Variants in TLCD1 observed in about 807,000 individuals in gnomAD.
TLCD1 encodes TLC domain containing 1.
Under a neutral mutation model 21.2 loss-of-function variants are expected in TLCD1, and 21 were observed. The observed-to-expected ratio is 0.99, with a 90% CI of 0.70 to 1.42. The LOEUF (loss-of-function observed/expected upper bound fraction) is 1.42, where lower values mean the gene tolerates loss of function less well. TLCD1 is among the 40% of genes most tolerant of loss of function. The pLI is 0.00. For missense variants in TLCD1, 344 were observed against 330.3 expected, an observed-to-expected ratio of 1.04 and a Z score of -0.32; for synonymous variants, 168 against 134.8, an observed-to-expected ratio of 1.25 and a Z score of -1.71.
chr17:28,726,331 T>A, upstream of TLCD1: 3 of 711,692 alleles, frequency 4.2e-6, no homozygotes, highest in Non-Finnish European at 4.8e-6. Context: ...CCCGTCCGCC[T>A]GCCCCCGCCC....
At chr17:28,726,271 T>C, upstream of TLCD1, 2 of 1,205,832 alleles carry the variant, frequency 1.7e-6, no homozygotes, top group East Asian at 3.3e-5. Flanking sequence ...GCGAGGCCTC[T>C]GCCCCCGCCC....
intron 2 of TLCD1, 21 bp downstream of exon 2, chr17:28,725,460 C>G (rs142978651): frequency 6.2e-7 from 1 of 1,614,174 alleles, no homozygotes; most frequent in Non-Finnish European, 8.5e-7. Flanking sequence ...ATTTGCCTCC[C>G]GCTTCCTGGG....
chr17:28,725,255 CTAGAT>C (rs1476826987), intron 3 of TLCD1, 44 bp downstream of exon 3: 1 of 1,594,116 alleles, frequency 6.3e-7, no homozygotes, highest in African/African-American at 1.3e-5. Flanking sequence ...GGAGCTGAGA[CTAGAT>C]TACTGACACC....
chr17:28,726,273 C>A (rs962324512), upstream of TLCD1: 5 of 1,205,212 alleles, frequency 4.1e-6, no homozygotes, highest in Admixed American at 1.8e-4. Context: ...GAGGCCTCTG[C>A]CCCCGCCCCC....
chr17:28,726,069 G>C lies in TLCD1; in HGVS notation c.29C>G (p.Pro10Arg). Residue 10 changes from proline to arginine, a missense_variant, in exon 1 of 4, where the codon CCG (proline) becomes CGG (arginine). By Grantham distance (103) the Pro-to-Arg change is moderately radical. Coordinates refer to ENST00000292090, the MANE Select transcript of TLCD1 (RefSeq NM_138463.4). ...GGTCAGCGTGGCGCCCAGGAGCAGC[G>C]GCAGGGCGGGGTGCAGCAGTCGGGG... is the stretch of plus-strand genomic sequence containing the variant. The part of the protein sequence containing the change: MPRLLHPAL[P>R]LLLGATLTFR... 1 of 1,509,590 alleles carries C rather than the reference G, an allele frequency of 6.6e-7. No individual in the cohort carries two copies. The highest frequency in any genetic ancestry group is 8.8e-7 in the Non-Finnish European group (1 of 1,135,946). The allele number at this position is 1,509,590 out of a possible 1,614,324, so 93.5% of individuals were successfully genotyped here. A position where few individuals can be genotyped will look rare whatever the true frequency, so the allele number is the denominator to read the frequency against.
chr17:28,726,067 G>A lies in TLCD1; in HGVS notation c.31C>T (p.Leu11=). Reference sequence around the variant, plus strand: ...AAGGTCAGCGTGGCGCCCAGGAGCAGCGGCAGGGCGGGGTGCAGCAGTCGG... The same window carrying A: ...AAGGTCAGCGTGGCGCCCAGGAGCAACGGCAGGGCGGGGTGCAGCAGTCGG... MPRLLHPALP[L]LLGATLTFRA... The change falls in exon 1 of 4, where the codon CTG becomes TTG. Residue 11 remains leucine, a synonymous_variant. Coordinates refer to ENST00000292090, the MANE Select transcript of TLCD1 (RefSeq NM_138463.4). The A allele has an allele frequency of 6.6e-7, 1 of 1,513,618 alleles. No homozygotes were observed. Among genetic ancestry groups the A allele is most frequent in the East Asian group, 2.5e-5 (1 of 40,212 alleles). 93.8% of individuals were successfully genotyped at this position (1,513,618 alleles called of 1,614,324 possible). A position where few individuals can be genotyped will look rare whatever the true frequency, so the allele number is the denominator to read the frequency against.
Position 28,725,366 on chromosome 17 carries a change from C to G in TLCD1, c.298G>C (p.Val100Leu), listed in dbSNP as rs555266561. Residue 100 changes from valine (V) to leucine (L), a missense_variant, in exon 3 of 4, where the codon GTG (valine) becomes CTG (leucine). Val to Leu is a conservative substitution (Grantham distance 32, BLOSUM62 1). Transcript: ENST00000292090. ...FSAGYFIHDTVDIVASGQTRA... is the reference protein window; with the variant it reads ...FSAGYFIHDTLDIVASGQTRA... ...GTCTGTCCGCTAGCCACGATGTCCA[C>G]CGTATCGTGGATGAAATACCCTAGT... The G allele has an allele frequency of 1.2e-6, 2 of 1,614,042 alleles. No homozygotes were observed. The highest frequency in any genetic ancestry group is 1.7e-6 in the Non-Finnish European group (2 of 1,180,038).
upstream of TLCD1, among the ~76,000 whole-genome samples, chr17:28,726,405 G>A (rs1415565510): frequency 4.0e-5 from 6 of 149,982 alleles, no homozygotes; most frequent in African/African-American, 1.5e-4. Context: ...GCCGGCTCCC[G>A]CGGACTTCGG....
chr17:28,726,822 C>G (rs938678341), upstream of TLCD1: 5 of 1,547,802 alleles, frequency 3.2e-6, no homozygotes, highest in Non-Finnish European at 4.4e-6. Context: ...CACCTCTTCC[C>G]GCCGGCTCTT....
At chr17:28,727,624 C>CT (rs752655838), upstream of TLCD1, 8,203 of 119,174 alleles carry the variant, frequency 0.069, 273 homozygotes, top group Non-Finnish European at 0.091. Flanking sequence ...TTCTTTCTTT[C>CT]TTTTTTTTTT....
upstream of TLCD1, among the ~76,000 whole-genome samples, chr17:28,726,480 CGACG>C (rs2034233734): frequency 6.6e-6 from 1 of 152,000 alleles, no homozygotes; most frequent in Non-Finnish European, 1.5e-5. Flanking sequence ...TCCCGACTGC[CGACG>C]GAGTCCCCGC....
At chr17:28,727,854 AG>A (rs2034255763), upstream of TLCD1, 1 of 152,104 alleles carries the variant, frequency 6.6e-6, no homozygotes. Flanking sequence ...TCCTGACCTC[AG>A]GTGATCCGCC....
chr17:28,725,016 T>G, intron 3 of TLCD1, 123 bp from the exon 4 acceptor site: 1 of 1,097,074 alleles, frequency 9.1e-7, no homozygotes, highest in South Asian at 1.6e-5. Flanking sequence ...AATAATAGTT[T>G]ATAGTGGGTA....
rs368329414 is a variant in TLCD1 at position 28,724,515 on chromosome 17, C to G, written c.739G>C (p.Glu247Gln). The G allele has an allele frequency of 4.3e-6, 7 of 1,612,482 alleles. No individual in the cohort carries two copies. Among genetic ancestry groups the G allele is most frequent in the Non-Finnish European group, 5.9e-6 (7 of 1,178,610 alleles). The change falls in exon 4 of 4, where the codon GAG (glutamate) becomes CAG (glutamine). Residue 247 changes from glutamate to glutamine, a missense_variant. Glu to Gln is a conservative substitution (Grantham distance 29, BLOSUM62 2). Transcript: ENST00000292090. Reference protein sequence around the residue: ...KKQHKDKFLTE With the variant: ...KKQHKDKFLTQ ...TGTCCCAGGCTCTGTGCCCCTCACT[C>G]AGTCAAGAACTTGTCTTTGTGTTGC... is the stretch of plus-strand genomic sequence containing the variant.
intron 3 of TLCD1, 150 bp downstream of exon 3, chr17:28,725,154 T>G: frequency 1.0e-6 from 1 of 961,008 alleles, no homozygotes; most frequent in Non-Finnish European, 1.5e-6. Flanking sequence ...AAGTACAGAC[T>G]GCCAACCTCC....
intron 3 of TLCD1, 114 bp downstream of exon 3, chr17:28,725,190 A>G (rs1443561894): frequency 1.1e-5 from 13 of 1,215,330 alleles, no homozygotes; most frequent in African/African-American, 1.5e-5. Context: ...GAAGTAGCAC[A>G]CAGGTCGGGG....
chr17:28,725,775 C>G, intron 1 of TLCD1, 129 bp downstream of exon 1: 1 of 1,318,212 alleles, frequency 7.6e-7, no homozygotes, highest in East Asian at 2.5e-5. Flanking sequence ...GATAGGATAC[C>G]AAACGGGATC....
Position 28,724,409 on chromosome 17 carries a change from G to T in TLCD1, c.*101C>A. The T allele has an allele frequency of 7.0e-7, 1 of 1,426,776 alleles. No homozygotes were observed. The highest frequency in any genetic ancestry group is 2.3e-5 in the East Asian group (1 of 43,826). 88.4% of individuals were successfully genotyped at this position (1,426,776 alleles called of 1,614,324 possible). A position where few individuals can be genotyped will look rare whatever the true frequency, so the allele number is the denominator to read the frequency against. On this transcript the variant is annotated 3_prime_UTR_variant, in exon 4 of 4. Coordinates refer to ENST00000292090, the MANE Select transcript of TLCD1 (RefSeq NM_138463.4). Reference sequence around the variant, plus strand: ...TGGGCGCAGGCTCAGAAGGTGGAGAGGCTGGCCTCAGAGGACACCCAGGCT... The same window carrying T: ...TGGGCGCAGGCTCAGAAGGTGGAGATGCTGGCCTCAGAGGACACCCAGGCT...
upstream of TLCD1, among the ~76,000 whole-genome samples, chr17:28,726,489 C>A (rs1254683666): frequency 6.6e-6 from 1 of 152,026 alleles, no homozygotes; most frequent in Non-Finnish European, 1.5e-5. Context: ...CCGACGGAGT[C>A]CCCGCTGCCC....
Sources: gnomAD v4.1 joint callset for allele counts (sites outside exome capture counted in the v4.1 genomes callset) on GRCh38, gnomAD v4.1.1 for gene constraint, MANE v1.5 for transcripts, NCBI Gene and HGNC (gene_info 2026-07-23, HGNC 2026-07-21) for gene names.